The following PRRX2 variants were observed in gnomAD, a reference collection of about 807,000 sequenced individuals.
The protein encoded by PRRX2 is paired related homeobox 2, also known as paired mesoderm homeobox protein 2.
PRRX2 carries 11 observed loss-of-function variants against 18.0 expected under a neutral mutation model. That is an observed-to-expected ratio of 0.61 (90% CI 0.39 to 1.01). The LOEUF is 1.01. PRRX2 is among the 50% of genes least tolerant of loss of function. The pLI, the probability that PRRX2 is intolerant of heterozygous loss-of-function variation, is 0.01. For synonymous variants in PRRX2, 177 were observed against 154.8 expected, an observed-to-expected ratio of 1.14 and a Z score of -1.06; for missense variants, 387 against 351.0, an observed-to-expected ratio of 1.10 and a Z score of -0.82.
chr9:129,686,090 G>A (rs1165662553), intron 1 of PRRX2, among the ~76,000 whole-genome samples: 5 of 152,234 alleles, frequency 3.3e-5, no homozygotes, highest in Admixed American at 6.5e-5. Context: ...GAGTACCAGC[G>A]TCCAAGGAGC....
chr9:129,700,845 C>T (rs974867566), intron 1 of PRRX2, among the ~76,000 whole-genome samples: 5 of 152,216 alleles, frequency 3.3e-5, no homozygotes, highest in East Asian at 1.9e-4. Flanking sequence ...TCCCAAACTC[C>T]TGGCCTGAAG....
At chr9:129,689,157 G>C (rs1832329318) in intron 1 of PRRX2, among the ~76,000 whole-genome samples, 1 of 152,090 alleles carries the variant, frequency 6.6e-6, no homozygotes, top group African/African-American at 2.4e-5. Context: ...CCTCCTTCAA[G>C]CTTCCCTGCC....
intron 1 of PRRX2, among the ~76,000 whole-genome samples, chr9:129,667,605 A>G: frequency 6.6e-6 from 1 of 150,604 alleles, no homozygotes; most frequent in African/African-American, 2.5e-5. Context: ...GGGAGAGGAG[A>G]GAGGGGTGAG....
At position 129,720,656 on chromosome 9, in the gene PRRX2, C is replaced by T. The variant is rs971574318; in HGVS notation, c.508C>T (p.Arg170Cys). 5 of 1,613,432 alleles carry T rather than the reference C, an allele frequency of 3.1e-6. No individual in the cohort carries two copies. In the East Asian group the frequency reaches 8.9e-5, roughly 29 times the overall value. Residue 170 changes from arginine to cysteine, a missense_variant, in exon 3 of 4, where the codon CGC (arginine) becomes TGC (cysteine). By Grantham distance (180) the Arg-to-Cys change is radical (BLOSUM62 -3). Transcript: ENST00000372469. ...GAATGAAAGGGCCATGCTGGCCAGC[C>T]GCTCTGCCTCGCTGCTCAAGTCCTA... ...RRNERAMLAS[R>C]SASLLKSYSQ... is the part of the protein sequence containing the mutation.
intron 1 of PRRX2, among the ~76,000 whole-genome samples, chr9:129,703,319 G>T (rs1358090909): frequency 6.6e-6 from 1 of 152,204 alleles, no homozygotes; most frequent in African/African-American, 2.4e-5. Flanking sequence ...ACCAGCACTT[G>T]CCCTGGCTTC....
In PRRX2 at chr9:129,709,581, C is replaced by A. The variant is rs1218834973; in HGVS notation, c.260-9650C>A. 5.3e-5 allele frequency among the ~76,000 whole-genome samples: 8 copies of A among 152,224 alleles called. No individual in the cohort carries two copies. Among genetic ancestry groups the A allele is most frequent in the Admixed American group, 5.2e-4 (8 of 15,288 alleles). The stretch of plus-strand genomic sequence containing the variant: ...GCCGGGGAAGCCATGGGATGGGGCC[C>A]CCTGGGGACCTGTCTGACTCCTCGG... On this transcript the variant is annotated intron_variant, in intron 1 of 3. Transcript: ENST00000372469. The surrounding 1 kb of genome is among the most constrained non-coding windows in gnomAD (Gnocchi z 4.2).
chr9:129,715,154 C>T lies in PRRX2; in HGVS notation c.260-4077C>T, dbSNP rs1029995890. Among the ~76,000 whole-genome samples the T allele has an allele frequency of 2.0e-5, 3 of 152,158 alleles. No individual in the cohort carries two copies. Among genetic ancestry groups the T allele is most frequent in the Non-Finnish European group, 2.9e-5 (2 of 68,030 alleles). ...TGCCCCCACAGCCCCCGCCTGGTCCCGTATGTTTGCAAGTATTTCCCAAAG... is the reference window on the plus strand; with the variant it reads ...TGCCCCCACAGCCCCCGCCTGGTCCTGTATGTTTGCAAGTATTTCCCAAAG... On this transcript the variant is annotated intron_variant, in intron 1 of 3. Transcript: ENST00000372469. The surrounding 1 kb of genome is among the most constrained non-coding windows in gnomAD (Gnocchi z 4.0).
rs1832103893 is a variant in PRRX2, at chr9:129,671,807, G to A, written c.259+5681G>A. 1.3e-5 allele frequency among the ~76,000 whole-genome samples: 2 copies of A among 152,212 alleles called. No individual in the cohort carries two copies. Among genetic ancestry groups the A allele is most frequent in the South Asian group, 4.1e-4 (2 of 4,834 alleles). On this transcript the variant is annotated intron_variant, in intron 1 of 3. Coordinates refer to ENST00000372469, the MANE Select transcript of PRRX2 (RefSeq NM_016307.4). This position sits in a 1 kb window ranked among gnomAD's most constrained non-coding sequence, Gnocchi z 4.0. ...GAGGCCTCACAGCTGGGAAAGGAGAGGAGGGATTTGGTTTTGGATCACAAG... is the reference window on the plus strand; with the variant it reads ...GAGGCCTCACAGCTGGGAAAGGAGAAGAGGGATTTGGTTTTGGATCACAAG...
rs527354835 is a variant in PRRX2 at position 129,719,263 on chromosome 9, G to T, written c.292G>T (p.Ala98Ser). The change falls in exon 2 of 4, where the codon GCC (alanine) becomes TCC (serine). Residue 98 changes from alanine to serine, a missense_variant. Transcript: ENST00000372469. Reference protein sequence around the residue: ...ECPSPGRGSAAKRKKKQRRNR... With the variant: ...ECPSPGRGSASKRKKKQRRNR... ...TCCCAGCCCGGGGCGCGGTAGCGCCGCCAAGCGGAAGAAGAAGCAGCGGCG... is the reference window on the plus strand; with the variant it reads ...TCCCAGCCCGGGGCGCGGTAGCGCCTCCAAGCGGAAGAAGAAGCAGCGGCG... 6.2e-7 allele frequency: 1 copy of T among 1,606,016 alleles called. No individual in the cohort carries two copies. Among genetic ancestry groups the T allele is most frequent in the East Asian group, 2.2e-5 (1 of 44,608 alleles).
intron 3 of PRRX2, among the ~76,000 whole-genome samples, chr9:129,721,172 T>G (rs1288592861): frequency 6.6e-6 from 1 of 151,848 alleles, no homozygotes; most frequent in East Asian, 1.9e-4. Context: ...CCTGAGGGAG[T>G]AGAAAACCTG....
At chr9:129,682,628 A>G (rs979402862) in intron 1 of PRRX2, among the ~76,000 whole-genome samples, 1 of 151,830 alleles carries the variant, frequency 6.6e-6, no homozygotes, top group South Asian at 2.1e-4. Flanking sequence ...GAGTGTCTCC[A>G]CCCCCTCTCA....
chr9:129,683,358 T>C (rs1832257602), intron 1 of PRRX2, among the ~76,000 whole-genome samples: 1 of 152,178 alleles, frequency 6.6e-6, no homozygotes, highest in Non-Finnish European at 1.5e-5. Context: ...GCAGCACATA[T>C]TTCTTGAGAG....
chr9:129,719,122 C>G (rs553501537), intron 1 of PRRX2, 109 bp from the exon 2 acceptor site: 1 of 1,077,692 alleles, frequency 9.3e-7, no homozygotes, highest in Non-Finnish European at 1.3e-6. Context: ...GGGACGCATT[C>G]CTGGCGGCGG....
rs1290726908 is a variant in PRRX2 at position 129,719,256 on chromosome 9, T to C, written c.285T>C (p.Gly95=). The C allele has an allele frequency of 3.1e-6, 5 of 1,602,718 alleles. No homozygotes were observed. The highest frequency in any genetic ancestry group is 4.3e-6 in the Non-Finnish European group (5 of 1,174,692). ...GTGAGTGTCCCAGCCCGGGGCGCGG[T>C]AGCGCCGCCAAGCGGAAGAAGAAGC... ...QDGECPSPGR[G]SAAKRKKKQR... Residue 95 remains glycine, a synonymous_variant, in exon 2 of 4, where the codon GGT becomes GGC. Coordinates refer to ENST00000372469, the MANE Select transcript of PRRX2 (RefSeq NM_016307.4).
intron 1 of PRRX2, among the ~76,000 whole-genome samples, chr9:129,711,092 T>C (rs1045395615): frequency 1.1e-4 from 16 of 152,072 alleles, no homozygotes; most frequent in African/African-American, 3.6e-4. Flanking sequence ...TGTTGATCCA[T>C]ACACTGTTAA....
At chr9:129,673,677 C>CACACACACAG (rs1356789023) in intron 1 of PRRX2, among the ~76,000 whole-genome samples, 1 of 150,426 alleles carries the variant, frequency 6.6e-6, no homozygotes, top group African/African-American at 2.5e-5. Flanking sequence ...CACACACACA[C>CACACACACAG]AGGCACACAC....
intron 1 of PRRX2, among the ~76,000 whole-genome samples, chr9:129,690,176 T>A (rs1242066203): frequency 6.6e-6 from 1 of 152,098 alleles, no homozygotes; most frequent in Non-Finnish European, 1.5e-5. Flanking sequence ...CCTGTCCTCC[T>A]CTCCGCTGCG....
chr9:129,720,173 G>GC (rs1298343294), intron 2 of PRRX2, among the ~76,000 whole-genome samples: 2 of 140,606 alleles, frequency 1.4e-5, no homozygotes, highest in Non-Finnish European at 3.1e-5. Flanking sequence ...GCCTCTCCCC[G>GC]CGAGTCCTCA....
intron 1 of PRRX2, among the ~76,000 whole-genome samples, chr9:129,685,398 A>G (rs778615255): frequency 2.0e-4 from 30 of 151,792 alleles, no homozygotes; most frequent in Non-Finnish European, 3.7e-4. Context: ...GCAGGGTCTC[A>G]CTCTGTTGCC....
Sources: allele counts gnomAD v4.1 joint callset (sites outside exome capture counted in the v4.1 genomes callset), GRCh38; gene constraint gnomAD v4.1.1; non-coding constraint Gnocchi (gnomAD v3.1); transcripts MANE v1.5; gene names NCBI Gene and HGNC (gene_info 2026-07-23, HGNC 2026-07-21).